EVC: variants seen among roughly 807,000 people sequenced by gnomAD.
EVC encodes EvC ciliary complex subunit 1.
Under a neutral mutation model 118.9 loss-of-function variants are expected in EVC, and 116 were observed. The ratio of observed to expected loss-of-function variants is 0.98; its 90% CI spans 0.84 to 1.14. The LOEUF is 1.14. Ranked by LOEUF, EVC falls within the 50% of genes most tolerant of loss-of-function variation. The probability of loss-of-function intolerance (pLI) is 0.00; values close to 1 mark genes in which losing one functional copy is unlikely to be tolerated. For missense variants in EVC, 1,401 were observed against 1,246.4 expected (o/e 1.12, Z -1.87); for synonymous variants, 619 against 534.7 (o/e 1.16, Z -2.18).
rs544272769 is a variant in EVC at position 5,794,856 on chromosome 4, G to T, written c.1886+1139G>T. ...TACAGCTCCCATCACCCAGGTAGTG[G>T]ACGCAGCACCCCATAGGTAGTTTTT... is the stretch of plus-strand genomic sequence containing the variant. On this transcript the variant is annotated intron_variant, in intron 13 of 20. Transcript: ENST00000264956. Among the ~76,000 whole-genome samples the T allele has an allele frequency of 1.4e-4, 22 of 152,272 alleles. No homozygotes were observed. The South Asian group carries it at 4.6e-3, about 32-fold the overall frequency.
At chr4:5,775,177 A>G (rs1252989383) in intron 11 of EVC, among the ~76,000 whole-genome samples, 1 of 152,200 alleles carries the variant, frequency 6.6e-6, no homozygotes, top group Non-Finnish European at 1.5e-5. Flanking sequence ...GTCTCCTGGC[A>G]GAAAATTGGG....
rs548756495 is a variant in EVC at position 5,786,038 on chromosome 4, C to G, written c.1776+2274C>G. Among the ~76,000 whole-genome samples, 4 of 152,180 alleles carry G rather than the reference C, an allele frequency of 2.6e-5. No homozygotes were observed. In the South Asian group the frequency reaches 8.3e-4, roughly 32 times the overall value. On this transcript the variant is annotated intron_variant, in intron 12 of 20. Coordinates refer to ENST00000264956, the MANE Select transcript of EVC (RefSeq NM_153717.3). ...CAGCCAGGCCCCTAACCTCAGAAGC[C>G]TAAGATATGGGTTTGAGCCAGAGCA...
At chr4:5,804,597 C>A in intron 16 of EVC, 133 bp from the exon 17 acceptor site, 1 of 756,196 alleles carries the variant, frequency 1.3e-6, no homozygotes, top group Non-Finnish European at 2.4e-6. Flanking sequence ...TGCCCTGTCC[C>A]TGTGCTGGTG....
At chr4:5,713,435 T>C (rs1024872726) in intron 1 of EVC, among the ~76,000 whole-genome samples, 6 of 152,166 alleles carry the variant, frequency 3.9e-5, no homozygotes, top group South Asian at 2.1e-4. Context: ...CCCAGCACTT[T>C]GGGAGGCCAA....
rs1282391806 is a variant in EVC, at chr4:5,742,693, C to T, written c.801+879C>T. Among the ~76,000 whole-genome samples the T allele has an allele frequency of 6.6e-6, 1 of 152,134 alleles. No individual in the cohort carries two copies. Among genetic ancestry groups the T allele is most frequent in the African/African-American group, 2.4e-5 (1 of 41,440 alleles). On this transcript the variant is annotated intron_variant, in intron 6 of 20. Coordinates refer to ENST00000264956, the MANE Select transcript of EVC (RefSeq NM_153717.3). This position sits in a 1 kb window ranked among gnomAD's most constrained non-coding sequence, Gnocchi z 5.2. ...TATCATTGTTGTAATTATTGGCATT[C>T]TCATTACTACCATCACCGCCATCAT... is the stretch of plus-strand genomic sequence containing the variant.
downstream of EVC, among the ~76,000 whole-genome samples, chr4:5,817,682 C>G (rs1009071223): frequency 5.3e-5 from 8 of 152,204 alleles, no homozygotes; most frequent in African/African-American, 1.9e-4. Flanking sequence ...ATGGGCATCA[C>G]GGCCACACTC....
intron 11 of EVC, among the ~76,000 whole-genome samples, chr4:5,775,443 C>G (rs1734582753): frequency 6.6e-6 from 1 of 152,094 alleles, no homozygotes; most frequent in Non-Finnish European, 1.5e-5. Context: ...AAATCAGATC[C>G]CTAGTTTGAT....
chr4:5,815,379 C>T (rs560302136), downstream of EVC, among the ~76,000 whole-genome samples: 59 of 152,286 alleles, frequency 3.9e-4, no homozygotes, highest in Middle Eastern at 6.8e-3. Flanking sequence ...TCCAACGTAA[C>T]GTGCATGGCA....
At chr4:5,820,514 C>A in the EVC span, among the ~76,000 whole-genome samples, 1 of 152,150 alleles carries the variant, frequency 6.6e-6, no homozygotes, top group African/African-American at 2.4e-5. Flanking sequence ...AGGAAAGGCC[C>A]AACAGGAGGG....
rs767928039 is a variant in EVC at position 5,783,640 on chromosome 4, C to CT, written c.1652_1653insT (p.Glu552GlyfsTer4). On this transcript the variant is annotated frameshift_variant, in exon 12 of 21. Coordinates refer to ENST00000264956, the MANE Select transcript of EVC (RefSeq NM_153717.3). LOFTEE classifies it high-confidence loss of function. ...CTCCCTGGCATGACTGGCCTCCCCC[C>CT]GGAAGAGTGTGACTACTTGAGGCAG... is the stretch of plus-strand genomic sequence containing the variant. The CT allele has an allele frequency of 6.2e-7, 1 of 1,614,166 alleles. No individual in the cohort carries two copies. Among genetic ancestry groups the CT allele is most frequent in the South Asian group, 1.1e-5 (1 of 91,082 alleles).
At position 5,733,589 on chromosome 4, in the gene EVC, G is replaced by C. The variant is rs36091422; in HGVS notation, c.702+154G>C. ...GGGGGAAAGCGGCGCTGTCAGGCAT[G>C]CAGCCACAAAATGGAAAAGCACTTC... On this transcript the variant is annotated intron_variant, in intron 5 of 20. Coordinates refer to ENST00000264956, the MANE Select transcript of EVC (RefSeq NM_153717.3). 0.31 allele frequency among the ~76,000 whole-genome samples: 46,543 copies of C among 152,000 alleles called. 7,478 individuals carry two copies. Among genetic ancestry groups the C allele is most frequent in the African/African-American group, 0.39 (16,235 of 41,442 alleles).
intron 11 of EVC, among the ~76,000 whole-genome samples, chr4:5,765,501 G>A (rs1159938748): frequency 2.5e-5 from 3 of 121,018 alleles, no homozygotes; most frequent in Non-Finnish European, 5.4e-5. Context: ...TTGACAGTGG[G>A]GTGTTAAAGT....
downstream of EVC, among the ~76,000 whole-genome samples, chr4:5,819,129 T>C (rs546263805): frequency 1.3e-5 from 2 of 152,190 alleles, no homozygotes; most frequent in African/African-American, 4.8e-5. Flanking sequence ...TACCTTATAT[T>C]GTACATAAAG....
In EVC at chr4:5,756,359, C is replaced by A; in HGVS notation, c.1560C>A (p.Cys520Ter). Reference protein sequence around the residue: ...VRATEAVVALCQELYFSTVDT... With the variant: ...VRATEAVVAL ...CCACCGAGGCTGTGGTTGCACTCTG[C>A]CAGGTACATGGCCTCTGTGGGGACC... Residue 520 changes from cysteine (C) to a stop codon, truncating the protein, a stop_gained, in exon 11 of 21, where the codon TGC becomes TGA. Coordinates refer to ENST00000264956, the MANE Select transcript of EVC (RefSeq NM_153717.3). LOFTEE classifies it high-confidence loss of function. The surrounding 1 kb of genome is among the most constrained non-coding windows in gnomAD (Gnocchi z 4.2). 1 of 1,607,160 alleles carries A rather than the reference C, an allele frequency of 6.2e-7. No individual in the cohort carries two copies. Among genetic ancestry groups the A allele is most frequent in the South Asian group, 1.1e-5 (1 of 89,150 alleles).
At chr4:5,825,910 C>CATA in the EVC span, 18,551 of 516,762 alleles carry the variant, frequency 0.036, 430 homozygotes, top group African/African-American at 0.056. This position sits in a 1 kb window ranked among gnomAD's most constrained non-coding sequence, Gnocchi z 4.4. Flanking sequence ...GACGCACACA[C>CATA]CACGCACACG....
At chr4:5,729,891 C>A (rs996709434) in intron 3 of EVC, among the ~76,000 whole-genome samples, 2 of 152,172 alleles carry the variant, frequency 1.3e-5, no homozygotes, top group Non-Finnish European at 2.9e-5. Flanking sequence ...CCTGAGGTCA[C>A]GTGACAGGAA....
intron 2 of EVC, among the ~76,000 whole-genome samples, chr4:5,727,928 C>T (rs979386656): frequency 6.8e-6 from 1 of 146,678 alleles, no homozygotes; most frequent in African/African-American, 2.6e-5. Context: ...TTCCATTGAT[C>T]TATATCTCTG....
intron 8 of EVC, among the ~76,000 whole-genome samples, chr4:5,752,475 C>T (rs1285609734): frequency 3.9e-5 from 6 of 152,138 alleles, no homozygotes; most frequent in African/African-American, 1.4e-4. Flanking sequence ...GTGGGGGCCA[C>T]AGGGCCAGAT....
rs138725840 is a variant in EVC, at chr4:5,753,846, G to A, written c.1377G>A (p.Thr459=). ...CTCTGGCTCACCAGGTGGAGGGAAC[G>A]GCAAAACTCACGCTGGCCCAAGAGG... ...TASLAHQVEG[T]AKLTLAQEEE... Residue 459 remains threonine, a synonymous_variant, in exon 10 of 21, where the codon ACG becomes ACA. Coordinates refer to ENST00000264956, the MANE Select transcript of EVC (RefSeq NM_153717.3). The A allele has an allele frequency of 6.8e-6, 11 of 1,613,968 alleles. No individual in the cohort carries two copies. The highest frequency in any genetic ancestry group is 4.0e-5 in the African/African-American group (3 of 74,922).
Sources: allele counts gnomAD v4.1 joint callset (sites outside exome capture counted in the v4.1 genomes callset), GRCh38; gene constraint gnomAD v4.1.1; non-coding constraint Gnocchi (gnomAD v3.1); transcripts MANE v1.5; gene names NCBI Gene and HGNC (gene_info 2026-07-23, HGNC 2026-07-21).